IDE: variants seen among roughly 807,000 people sequenced by gnomAD.
IDE encodes the protein insulin-degrading enzyme.
A neutral mutation model predicts 133.2 loss-of-function variants in IDE; 58 were observed. The ratio of observed to expected loss-of-function variants is 0.44; its 90% confidence interval spans 0.35 to 0.54. The LOEUF (loss-of-function observed/expected upper bound fraction) is 0.54, where lower values mean the gene tolerates loss of function less well. Ranked by LOEUF, IDE falls within the 20% of genes least tolerant of loss-of-function variation. IDE has a pLI of 0.00. For synonymous variants in IDE, 396 were observed against 421.3 expected (o/e 0.94, Z 0.73); for missense variants, 981 against 1,234.0 (o/e 0.79, Z 3.07).
chr10:92,533,934 A>G (rs1447065547), intron 3 of IDE, among the ~76,000 whole-genome samples: 1 of 152,120 alleles, frequency 6.6e-6, no homozygotes, highest in African/African-American at 2.4e-5. Flanking sequence ...GAGGCAGAAG[A>G]ATTGCTTGAA....
intron 13 of IDE, among the ~76,000 whole-genome samples, chr10:92,484,216 T>A (rs1846814205): frequency 6.6e-6 from 1 of 151,150 alleles, no homozygotes; most frequent in South Asian, 2.1e-4. Flanking sequence ...TTCGAGACCA[T>A]CCTGGCCAAC....
At chr10:92,559,709 C>T (rs1843186158) in intron 1 of IDE, among the ~76,000 whole-genome samples, 1 of 149,860 alleles carries the variant, frequency 6.7e-6, no homozygotes, top group African/African-American at 2.5e-5. Context: ...CACAACTCTG[C>T]AAATACACTA....
chr10:92,559,640 G>A (rs1301185727), intron 1 of IDE, among the ~76,000 whole-genome samples: 1 of 152,062 alleles, frequency 6.6e-6, no homozygotes, highest in Non-Finnish European at 1.5e-5. Flanking sequence ...ACTGCCAAAG[G>A]GTATAATGTT....
chr10:92,458,997 T>C (rs2135312132), intron 22 of IDE, among the ~76,000 whole-genome samples: 1 of 152,260 alleles, frequency 6.6e-6, no homozygotes, highest in Non-Finnish European at 1.5e-5. Context: ...GTAAAGAAAA[T>C]CACTTGTCCA....
rs762586700 is a variant in IDE, at chr10:92,479,278, T to A, written c.1883A>T (p.Tyr628Phe). The A allele has an allele frequency of 6.2e-7, 1 of 1,606,552 alleles. No homozygotes were observed. Among genetic ancestry groups the A allele is most frequent in the Non-Finnish European group, 8.5e-7 (1 of 1,173,768 alleles). The part of the protein sequence containing the change: ...YDLQNTIYGM[Y>F]LSVKGYNDKQ... ...AGGCTCTAAGGCGTGGGTACTTACA[T>A]ACATCCCATAGATGGTATTTTGGAG... The change falls in exon 15 of 25, where the codon TAT (tyrosine) becomes TTT (phenylalanine). Residue 628 changes from tyrosine (Y) to phenylalanine (F), a missense_variant and splice_region_variant. By Grantham distance (22) the Tyr-to-Phe change is conservative. Transcript: ENST00000265986.
intron 13 of IDE, among the ~76,000 whole-genome samples, chr10:92,485,973 T>C (rs1023453346): frequency 6.6e-6 from 1 of 151,738 alleles, no homozygotes; most frequent in African/African-American, 2.4e-5. Flanking sequence ...TAAGATAAGA[T>C]AAACAATACA....
chr10:92,502,364 G>C (rs1246878393), intron 11 of IDE, among the ~76,000 whole-genome samples: 1 of 151,902 alleles, frequency 6.6e-6, no homozygotes, highest in Non-Finnish European at 1.5e-5. Flanking sequence ...TAGAAGTCTT[G>C]CTTATCTTTG....
In IDE at chr10:92,531,932, C is replaced by A. The variant is rs1161401834; in HGVS notation, c.492-15G>T. On this transcript the variant is annotated splice_polypyrimidine_tract_variant and intron_variant, in intron 3 of 24. Transcript: ENST00000265986. The stretch of plus-strand genomic sequence containing the variant: ...ACTGTGCAAACCTAAGGGTACGAAA[C>A]ATAATTAAAACTTGAAAGATGTCAT... 4 of 1,462,498 alleles carry A rather than the reference C, an allele frequency of 2.7e-6. No individual in the cohort carries two copies. Among genetic ancestry groups the A allele is most frequent in the South Asian group, 1.5e-5 (1 of 64,902 alleles). 90.6% of individuals were successfully genotyped at this position (1,462,498 alleles called of 1,614,324 possible).
intron 1 of IDE, among the ~76,000 whole-genome samples, chr10:92,556,846 C>T (rs2135786308): frequency 6.6e-6 from 1 of 151,494 alleles, no homozygotes; most frequent in African/African-American, 2.4e-5. Context: ...ATTGCTTGAA[C>T]CTGGGAGGTG....
intron 1 of IDE, among the ~76,000 whole-genome samples, chr10:92,551,220 T>C (rs1231297307): frequency 6.6e-6 from 1 of 152,024 alleles, no homozygotes; most frequent in African/African-American, 2.4e-5. Context: ...TATTCAGCCT[T>C]AAAAAGGAAA....
chr10:92,463,969 A>G lies in IDE; in HGVS notation c.2523T>C (p.Asn841=), dbSNP rs61736443. The G allele has an allele frequency of 5.3e-3, 8,495 of 1,614,002 alleles. 31 individuals are homozygous for G. Among genetic ancestry groups the G allele is most frequent in the Middle Eastern group, 7.6e-3 (46 of 6,062 alleles). ...TGATGAATCTCAAGCCCTGTATGCC[A>G]TTAGCTCGACGTGGCCCGCTGAAGA... The part of the protein sequence containing the change: ...YIVFSGPRRA[N]GIQGLRFIIQ... The change falls in exon 21 of 25, where the codon AAT becomes AAC. Residue 841 remains asparagine (N), a synonymous_variant. Coordinates refer to ENST00000265986, the MANE Select transcript of IDE (RefSeq NM_004969.4).
In IDE at chr10:92,475,906, CT is replaced by C; in HGVS notation, c.1972del (p.Arg658AspfsTer32). 1 of 1,459,360 alleles carries C rather than the reference CT, an allele frequency of 6.9e-7. No homozygotes were observed. Among genetic ancestry groups the C allele is most frequent in the Non-Finnish European group, 9.5e-7 (1 of 1,056,972 alleles). 90.4% of individuals were successfully genotyped at this position (1,459,360 alleles called of 1,614,324 possible). ...KMATFEIDEKRFEIIKEAYMR... is the reference protein window; with the variant it reads ...KMATFEIDEKXFEIIKEAYMR... ...TACTGCTTCTTTGATAATTTCAAAT[CT>C]TTTTTCATCAATCTCAAAGGTAGCC... On this transcript the variant is annotated frameshift_variant, in exon 16 of 25. Coordinates refer to ENST00000265986, the MANE Select transcript of IDE (RefSeq NM_004969.4). LOFTEE classifies it high-confidence loss of function.
intron 1 of IDE, among the ~76,000 whole-genome samples, chr10:92,556,239 A>G (rs1321355895): frequency 6.6e-6 from 1 of 151,948 alleles, no homozygotes; most frequent in African/African-American, 2.4e-5. Flanking sequence ...TGCAGAAGAC[A>G]TGATCTTGAA....
chr10:92,538,531 A>C (rs559020991), intron 1 of IDE, among the ~76,000 whole-genome samples: 1 of 152,374 alleles, frequency 6.6e-6, no homozygotes, highest in Non-Finnish European at 1.5e-5. Flanking sequence ...CCAGAGCAGG[A>C]AAAGTCTGGC....
chr10:92,507,943 A>C (rs1848384634), intron 8 of IDE, among the ~76,000 whole-genome samples, 170 bp downstream of exon 8: 1 of 152,228 alleles, frequency 6.6e-6, no homozygotes. Flanking sequence ...GGGGGGAAGA[A>C]TCATCCATGA....
intron 1 of IDE, among the ~76,000 whole-genome samples, chr10:92,561,730 C>A (rs575011394): frequency 6.6e-6 from 1 of 151,800 alleles, no homozygotes; most frequent in Admixed American, 6.6e-5. Context: ...CCACTGCACT[C>A]CAGCCTGGGT....
chr10:92,531,273 T>C (rs1315499779), intron 4 of IDE, among the ~76,000 whole-genome samples: 1 of 152,202 alleles, frequency 6.6e-6, no homozygotes, highest in Admixed American at 6.5e-5. Flanking sequence ...TATCTCCCTC[T>C]AGGAGATTGT....
chr10:92,562,533 A>AT (rs1175584632), intron 1 of IDE, among the ~76,000 whole-genome samples: 1 of 152,174 alleles, frequency 6.6e-6, no homozygotes, highest in African/African-American at 2.4e-5. Context: ...AGAATAAGGC[A>AT]TTTTTTTCAA....
chr10:92,474,936 C>G lies in IDE; in HGVS notation c.2021G>C (p.Arg674Pro), dbSNP rs1225946336. ...EAYMRSLNNF[R>P]AEQPHQHAMY... ...GGCATGCTGGTGAGGCTGTTCAGCC[C>G]GGAAATTGTTAAGAGATCGCATATA... is the stretch of plus-strand genomic sequence containing the variant. Residue 674 changes from arginine to proline, a missense_variant, in exon 17 of 25, where the codon CGG becomes CCG. Arg to Pro is a moderately radical substitution (Grantham distance 103, BLOSUM62 -2). Transcript: ENST00000265986. 6.2e-7 allele frequency: 1 copy of G among 1,612,182 alleles called. No homozygotes were observed. Among genetic ancestry groups the G allele is most frequent in the Non-Finnish European group, 8.5e-7 (1 of 1,179,020 alleles).
Sources: gnomAD v4.1 joint callset for allele counts (sites outside exome capture counted in the v4.1 genomes callset) on GRCh38, gnomAD v4.1.1 for gene constraint, MANE v1.5 for transcripts, NCBI Gene and HGNC (gene_info 2026-07-23, HGNC 2026-07-21) for gene names.